TMEM132D: variants seen among roughly 807,000 people sequenced by gnomAD.
TMEM132D encodes the protein mature OL transmembrane protein.
In TMEM132D, 21 loss-of-function variants were observed where a neutral mutation model predicts 62.3. The observed-to-expected ratio is 0.34, with a 90% CI of 0.24 to 0.49. TMEM132D has a LOEUF of 0.49. TMEM132D is among the 20% of genes least tolerant of loss of function. TMEM132D has a pLI of 0.99. For synonymous variants in TMEM132D, 621 were observed against 575.6 expected (o/e 1.08, Z -1.13); for missense variants, 1,346 against 1,402.8 (o/e 0.96, Z 0.65).
At chr12:129,902,345 A>T (rs1201889386) in intron 1 of TMEM132D, among the ~76,000 whole-genome samples, 1 of 151,954 alleles carries the variant, frequency 6.6e-6, no homozygotes, top group Non-Finnish European at 1.5e-5. Flanking sequence ...GAGACGCTTC[A>T]CTCTCCTCCC....
chr12:129,410,322 A>G lies in TMEM132D; in HGVS notation c.1116-72505T>C, dbSNP rs75646269. Among the ~76,000 whole-genome samples, 168 of 151,654 alleles carry G rather than the reference A, an allele frequency of 1.1e-3. No individual in the cohort carries two copies. The East Asian group carries it at 0.028, about 26-fold the overall frequency. The stretch of plus-strand genomic sequence containing the variant: ...CACTGATGATAAAGACATACTCGAG[A>G]CTGGGTAATTTAAAAAGAAAAAAAG... On this transcript the variant is annotated intron_variant, in intron 3 of 8. Coordinates refer to ENST00000422113, the MANE Select transcript of TMEM132D (RefSeq NM_133448.3).
At chr12:129,487,275 A>T (rs1315767127) in intron 3 of TMEM132D, among the ~76,000 whole-genome samples, 1 of 152,234 alleles carries the variant, frequency 6.6e-6, no homozygotes, top group Non-Finnish European at 1.5e-5. Flanking sequence ...TCACAGAGGC[A>T]GGTGTGGCTG....
chr12:129,378,353 G>A (rs1186582376), intron 3 of TMEM132D, among the ~76,000 whole-genome samples: 1 of 152,176 alleles, frequency 6.6e-6, no homozygotes, highest in Non-Finnish European at 1.5e-5. Context: ...TTTCAGCTAG[G>A]CAGCTCTCTG....
intron 3 of TMEM132D, among the ~76,000 whole-genome samples, chr12:129,382,779 C>A (rs1360253410): frequency 6.6e-6 from 1 of 151,952 alleles, no homozygotes; most frequent in East Asian, 1.9e-4. Flanking sequence ...ATGTTTAGAC[C>A]CCAATCTATT....
chr12:129,403,369 C>T (rs1021538737), intron 3 of TMEM132D, among the ~76,000 whole-genome samples: 4 of 150,834 alleles, frequency 2.7e-5, no homozygotes, highest in African/African-American at 9.8e-5. Flanking sequence ...ACATAACTCG[C>T]TGGAAGAAGA....
At chr12:129,850,975 A>G (rs977420727) in intron 1 of TMEM132D, among the ~76,000 whole-genome samples, 2 of 152,248 alleles carry the variant, frequency 1.3e-5, no homozygotes, top group Admixed American at 6.5e-5. Flanking sequence ...ACATCCAGTC[A>G]TCAGCAGTTA....
intron 2 of TMEM132D, among the ~76,000 whole-genome samples, chr12:129,671,237 T>G (rs1038971780): frequency 2.0e-5 from 3 of 152,206 alleles, no homozygotes; most frequent in African/African-American, 7.2e-5. Context: ...GAACTTGTAT[T>G]ATTCTTGGGG....
intron 2 of TMEM132D, among the ~76,000 whole-genome samples, chr12:129,623,686 C>T (rs201878507): frequency 1.2e-5 from 1 of 84,102 alleles, no homozygotes; most frequent in Admixed American, 1.4e-4. Flanking sequence ...CATATATATA[C>T]ATATATACAT....
intron 2 of TMEM132D, among the ~76,000 whole-genome samples, chr12:129,583,491 A>G (rs1353055354): frequency 6.6e-6 from 1 of 152,248 alleles, no homozygotes; most frequent in East Asian, 1.9e-4. Flanking sequence ...GACTCTTTGT[A>G]AACTAAAATC....
rs550112265 is a variant in TMEM132D, at chr12:129,788,190, T to C, written c.80-87492A>G. Among the ~76,000 whole-genome samples, 3 of 152,320 alleles carry C rather than the reference T, an allele frequency of 2.0e-5. No individual in the cohort carries two copies. The East Asian group carries it at 5.8e-4, about 29-fold the overall frequency. The stretch of plus-strand genomic sequence containing the variant: ...TGGGTGAAAAGGAGTATTGTTGTTT[T>C]CTCTTTTACTTGCACGGACTCCTGG... On this transcript the variant is annotated intron_variant, in intron 1 of 8. Coordinates refer to ENST00000422113, the MANE Select transcript of TMEM132D (RefSeq NM_133448.3).
intron 5 of TMEM132D, among the ~76,000 whole-genome samples, chr12:129,194,611 T>A (rs140358841): frequency 1.1e-3 from 166 of 152,234 alleles, no homozygotes; most frequent in African/African-American, 3.7e-3. Context: ...AACCTAAAAG[T>A]TCAATAAAAA....
chr12:129,152,992 C>T lies in TMEM132D; in HGVS notation c.1443+56528G>A, dbSNP rs565657358. Among the ~76,000 whole-genome samples, 5 of 152,276 alleles carry T rather than the reference C, an allele frequency of 3.3e-5. No homozygotes were observed. In the South Asian group the frequency reaches 1.0e-3, roughly 32 times the overall value. On this transcript the variant is annotated intron_variant, in intron 5 of 8. Coordinates refer to ENST00000422113, the MANE Select transcript of TMEM132D (RefSeq NM_133448.3). ...TCCCACCCGGCACTTCCTGCCAACT[C>T]TTCCGAGCTCTGGCAACACCACCTC... is the stretch of plus-strand genomic sequence containing the variant.
intron 1 of TMEM132D, among the ~76,000 whole-genome samples, chr12:129,737,883 C>T (rs774040422): frequency 8.5e-5 from 13 of 152,216 alleles, no homozygotes; most frequent in African/African-American, 2.7e-4. Context: ...GAGCACCATG[C>T]TTTCACTGAT....
intron 5 of TMEM132D, among the ~76,000 whole-genome samples, chr12:129,184,414 C>T (rs955607159): frequency 3.3e-5 from 5 of 152,184 alleles, no homozygotes; most frequent in Non-Finnish European, 7.4e-5. Flanking sequence ...GGGCTGTTTA[C>T]AAACAAAACA....
chr12:129,901,259 T>A (rs1181371991), intron 1 of TMEM132D, among the ~76,000 whole-genome samples: 1 of 152,220 alleles, frequency 6.6e-6, no homozygotes, highest in Non-Finnish European at 1.5e-5. Flanking sequence ...AACTTTCAAG[T>A]GATCAGAGAA....
chr12:129,604,472 T>C (rs889397982), intron 2 of TMEM132D, among the ~76,000 whole-genome samples: 4 of 152,226 alleles, frequency 2.6e-5, no homozygotes, highest in African/African-American at 7.2e-5. Flanking sequence ...AGGTTATTTG[T>C]GGACATAAGT....
intron 1 of TMEM132D, among the ~76,000 whole-genome samples, chr12:129,731,829 A>AT (rs201660292): frequency 0.014 from 2,073 of 152,072 alleles, 19 homozygotes; most frequent in Non-Finnish European, 0.019. Flanking sequence ...CGCCCGGCTA[A>AT]TTTTTTGTAT....
At chr12:129,352,451 T>TCTTC (rs1869898003) in intron 3 of TMEM132D, among the ~76,000 whole-genome samples, 1 of 148,092 alleles carries the variant, frequency 6.8e-6, no homozygotes, top group East Asian at 2.0e-4. Flanking sequence ...TTTTTTTTTT[T>TCTTC]CTAGCATCAG....
intron 1 of TMEM132D, among the ~76,000 whole-genome samples, chr12:129,842,497 C>T (rs1229444280): frequency 6.6e-6 from 1 of 151,900 alleles, no homozygotes; most frequent in Non-Finnish European, 1.5e-5. Flanking sequence ...GAGATAGAGT[C>T]CTGCTCTGTT....
Sources: gnomAD v4.1 joint callset for allele counts (sites outside exome capture counted in the v4.1 genomes callset) on GRCh38, gnomAD v4.1.1 for gene constraint, MANE v1.5 for transcripts, NCBI Gene and HGNC (gene_info 2026-07-23, HGNC 2026-07-21) for gene names.